The following IQCJ variants were observed in gnomAD, a reference collection of about 807,000 sequenced individuals.
IQCJ encodes the protein IQ domain-containing protein J.
A neutral mutation model predicts 11.0 loss-of-function variants in IQCJ; 9 were observed. That is an observed-to-expected ratio of 0.82 (90% CI 0.49 to 1.43). The LOEUF (loss-of-function observed/expected upper bound fraction) is 1.43, where lower values mean the gene tolerates loss of function less well. Ranked by LOEUF, IQCJ falls within the 40% of genes most tolerant of loss-of-function variation. The probability of loss-of-function intolerance (pLI) is 0.00; values close to 1 mark genes in which losing one functional copy is unlikely to be tolerated. For missense variants in IQCJ, 146 were observed against 133.2 expected, an observed-to-expected ratio of 1.10 and a Z score of -0.47; for synonymous variants, 55 against 51.3, an observed-to-expected ratio of 1.07 and a Z score of -0.31.
At chr3:159,189,514 T>G (rs1168384617) in intron 1 of IQCJ, among the ~76,000 whole-genome samples, 5 of 152,170 alleles carry the variant, frequency 3.3e-5, no homozygotes. Context: ...TCTCTGGCAC[T>G]AGAGGGAGAT....
intron 1 of IQCJ, among the ~76,000 whole-genome samples, chr3:159,115,105 A>G (rs1421363451): frequency 6.6e-6 from 1 of 152,206 alleles, no homozygotes; most frequent in African/African-American, 2.4e-5. Context: ...TTCTTGAGGT[A>G]GTGTATTAGT....
chr3:159,138,851 T>C (rs1489924592), intron 1 of IQCJ, among the ~76,000 whole-genome samples: 4 of 152,218 alleles, frequency 2.6e-5, no homozygotes, highest in Admixed American at 1.3e-4. Flanking sequence ...TCTATACATA[T>C]TTATTTGTGG....
intron 1 of IQCJ, among the ~76,000 whole-genome samples, chr3:159,147,404 A>T (rs545105545): frequency 6.6e-6 from 1 of 152,230 alleles, no homozygotes; most frequent in South Asian, 2.1e-4. Flanking sequence ...CTATCATGAA[A>T]CAGAATAATA....
At chr3:159,146,931 TATAA>T (rs1720955465) in intron 1 of IQCJ, among the ~76,000 whole-genome samples, 1 of 152,200 alleles carries the variant, frequency 6.6e-6, no homozygotes, top group Non-Finnish European at 1.5e-5. Flanking sequence ...TTTGAAGAAT[TATAA>T]ATAATTAAAA....
rs150052685 is a variant in IQCJ at position 159,141,932 on chromosome 3, A to G, written c.9+72491A>G. ...CAATGATTACTGTACTTGCAACTTTATCAGCTCCAGTTGTACCTTTTTGTT... is the reference window on the plus strand; with the variant it reads ...CAATGATTACTGTACTTGCAACTTTGTCAGCTCCAGTTGTACCTTTTTGTT... On this transcript the variant is annotated intron_variant, in intron 1 of 3. Transcript: ENST00000397832. Among the ~76,000 whole-genome samples the G allele has an allele frequency of 3.3e-5, 5 of 152,336 alleles. No homozygotes were observed. In the South Asian group the frequency reaches 6.2e-4, roughly 19 times the overall value.
intron 3 of IQCJ, 28 bp downstream of exon 3, chr3:159,252,835 C>A (rs1334020845): frequency 3.1e-6 from 5 of 1,591,864 alleles, no homozygotes; most frequent in Non-Finnish European, 4.3e-6. Flanking sequence ...ATAAATTAAG[C>A]AATTAGTTCT....
intron 1 of IQCJ, among the ~76,000 whole-genome samples, chr3:159,211,086 A>C (rs1724926313): frequency 6.6e-6 from 1 of 152,260 alleles, no homozygotes; most frequent in Admixed American, 6.5e-5. Context: ...TATCTTTAAA[A>C]ATGAAATGAA....
At chr3:159,081,524 G>C (rs1360690624) in intron 1 of IQCJ, among the ~76,000 whole-genome samples, 1 of 152,002 alleles carries the variant, frequency 6.6e-6, no homozygotes, top group Non-Finnish European at 1.5e-5. Flanking sequence ...TTCTTCAGTG[G>C]TATAAAAGTA....
intron 1 of IQCJ, among the ~76,000 whole-genome samples, chr3:159,077,560 A>G (rs893814191): frequency 6.6e-6 from 1 of 152,180 alleles, no homozygotes; most frequent in Non-Finnish European, 1.5e-5. Context: ...ATTAAAAAGT[A>G]TACAAACATA....
At chr3:159,214,128 T>C (rs560228572) in intron 1 of IQCJ, among the ~76,000 whole-genome samples, 3 of 152,292 alleles carry the variant, frequency 2.0e-5, no homozygotes, top group African/African-American at 7.2e-5. Flanking sequence ...GCTGGACATG[T>C]CCATCTAGAC....
intron 1 of IQCJ, among the ~76,000 whole-genome samples, chr3:159,187,980 T>A (rs1723469705): frequency 6.6e-6 from 1 of 152,216 alleles, no homozygotes; most frequent in Admixed American, 6.5e-5. Context: ...GCGCTGGGCA[T>A]GGGTCAGTCC....
intron 3 of IQCJ, among the ~76,000 whole-genome samples, chr3:159,253,610 A>AACACAC (rs5853857): frequency 1.3e-3 from 200 of 149,768 alleles, no homozygotes; most frequent in African/African-American, 4.7e-3. Context: ...CTCCCTCACA[A>AACACAC]ACACACACAC....
intron 1 of IQCJ, among the ~76,000 whole-genome samples, chr3:159,241,052 T>C (rs1268026949): frequency 6.6e-6 from 1 of 152,206 alleles, no homozygotes; most frequent in Non-Finnish European, 1.5e-5. Flanking sequence ...CAGGATTCTT[T>C]TACTTGTATA....
chr3:159,178,142 TA>T (rs1445150420), intron 1 of IQCJ, among the ~76,000 whole-genome samples: 6 of 152,250 alleles, frequency 3.9e-5, no homozygotes, highest in Non-Finnish European at 8.8e-5. Flanking sequence ...TAGAAACTTT[TA>T]AAGATTTCTT....
chr3:159,232,846 G>A (rs13082502), intron 1 of IQCJ, among the ~76,000 whole-genome samples: 14,795 of 152,002 alleles, frequency 0.097, 935 homozygotes, highest in Middle Eastern at 0.13. Context: ...TTGTTGTGTG[G>A]GAAAGAATCA....
intron 1 of IQCJ, among the ~76,000 whole-genome samples, chr3:159,156,087 C>T (rs1362401965): frequency 6.6e-6 from 1 of 152,166 alleles, no homozygotes; most frequent in Non-Finnish European, 1.5e-5. Context: ...AATATATACA[C>T]GTTTAGCACT....
chr3:159,110,318 G>C lies in IQCJ; in HGVS notation c.9+40877G>C, dbSNP rs566425653. Among the ~76,000 whole-genome samples, 7 of 152,314 alleles carry C rather than the reference G, an allele frequency of 4.6e-5. 1 individual carries two copies. In the East Asian group the frequency reaches 1.2e-3, roughly 25 times the overall value. ...TTTTTAGCACAGTGCCTGGCACACAGAACCACTCAGTGAAGGTTAGCTATT... is the reference window on the plus strand; with the variant it reads ...TTTTTAGCACAGTGCCTGGCACACACAACCACTCAGTGAAGGTTAGCTATT... On this transcript the variant is annotated intron_variant, in intron 1 of 3. Transcript: ENST00000397832.
Position 159,262,796 on chromosome 3 carries a change from G to T in IQCJ, c.*65G>T. 6.5e-7 allele frequency: 1 copy of T among 1,547,096 alleles called. No homozygotes were observed. The highest frequency in any genetic ancestry group is 8.7e-7 in the Non-Finnish European group (1 of 1,143,684). Reference sequence around the variant, plus strand: ...TGAGCAGGTGGTTTGTGACAGTGAAGATCTATGTAGCTTATTTGCTACCCA... The same window carrying T: ...TGAGCAGGTGGTTTGTGACAGTGAATATCTATGTAGCTTATTTGCTACCCA... On this transcript the variant is annotated 3_prime_UTR_variant, in exon 4 of 4. Transcript: ENST00000397832.
At chr3:159,071,192 T>C (rs1371751891) in intron 1 of IQCJ, among the ~76,000 whole-genome samples, 1 of 152,048 alleles carries the variant, frequency 6.6e-6, no homozygotes, top group African/African-American at 2.4e-5. Flanking sequence ...CCATGTTCAA[T>C]TTATAATTAA....
Sources: allele counts gnomAD v4.1 joint callset (sites outside exome capture counted in the v4.1 genomes callset), GRCh38; gene constraint gnomAD v4.1.1; transcripts MANE v1.5; gene names NCBI Gene and HGNC (gene_info 2026-07-23, HGNC 2026-07-21).